KDM5B: variants seen among roughly 807,000 people sequenced by gnomAD.
KDM5B encodes lysine-specific demethylase 5B.
A neutral mutation model predicts 193.4 loss-of-function variants in KDM5B; 144 were observed. The ratio of observed to expected loss-of-function variants is 0.74; its 90% confidence interval spans 0.65 to 0.86. The LOEUF (loss-of-function observed/expected upper bound fraction) is 0.86. KDM5B is among the 40% of genes least tolerant of loss of function. KDM5B has a pLI of 0.00. For synonymous variants in KDM5B, 668 were observed against 682.6 expected (o/e 0.98, Z 0.33); for missense variants, 1,833 against 1,886.9 (o/e 0.97, Z 0.53).
intron 20 of KDM5B, among the ~76,000 whole-genome samples, chr1:202,738,392 C>G (rs1040315589): frequency 6.6e-6 from 1 of 152,222 alleles, no homozygotes. Flanking sequence ...TACCAACTAT[C>G]ATTGACAAGT....
At chr1:202,804,566 CTG>C (rs1377535056) in intron 1 of KDM5B, among the ~76,000 whole-genome samples, 1 of 152,140 alleles carries the variant, frequency 6.6e-6, no homozygotes, top group Non-Finnish European at 1.5e-5. Flanking sequence ...AAAATGGTGA[CTG>C]TATTAAAACA....
intron 1 of KDM5B, 135 bp from the exon 2 acceptor site, chr1:202,777,229 T>G (rs1656993351): frequency 6.2e-6 from 4 of 640,226 alleles, no homozygotes; most frequent in Non-Finnish European, 1.1e-5. Flanking sequence ...GAGTAGTGGT[T>G]TCTCAACCTT....
In KDM5B at chr1:202,750,613, G is replaced by GA. The variant is rs1291216261; in HGVS notation, c.1821+45dup. 5 of 1,595,188 alleles carry GA rather than the reference G, an allele frequency of 3.1e-6. No individual in the cohort carries two copies. The East Asian group carries it at 6.7e-5, about 21-fold the overall frequency. On this transcript the variant is annotated intron_variant, in intron 13 of 26. Transcript: ENST00000367265. ...AAAACATTATATTCCATTTCCTCAG[G>GA]AAAAACAATAAATTTGAAAAGGTTA...
At chr1:202,806,558 C>T (rs1332464669) in intron 1 of KDM5B, 1 of 152,176 alleles carries the variant, frequency 6.6e-6, no homozygotes. Flanking sequence ...ACATTTCCCT[C>T]ATATTCGCTG....
rs774303699 is a variant in KDM5B at position 202,766,913 on chromosome 1, A to G, written c.711+13T>C. 2 of 1,564,790 alleles carry G rather than the reference A, an allele frequency of 1.3e-6. No homozygotes were observed. The highest frequency in any genetic ancestry group is 8.6e-7 in the Non-Finnish European group (1 of 1,164,850). On this transcript the variant is annotated intron_variant, in intron 5 of 26. Coordinates refer to ENST00000367265, the MANE Select transcript of KDM5B (RefSeq NM_006618.5). ...TGAGAATTCCTTTTAAATTAACCTC[A>G]TGAGGCTCTTACCTCTGCTCTCATG...
chr1:202,789,699 G>C (rs1024502706), intron 1 of KDM5B, among the ~76,000 whole-genome samples: 3 of 129,166 alleles, frequency 2.3e-5, no homozygotes, highest in Non-Finnish European at 5.1e-5. Context: ...TTTTTAATTA[G>C]CTAGGCATGG....
At chr1:202,744,158 T>C (rs1457446516) in intron 16 of KDM5B, among the ~76,000 whole-genome samples, 2 of 152,030 alleles carry the variant, frequency 1.3e-5, no homozygotes, top group African/African-American at 4.8e-5. Flanking sequence ...CATTAAAAAG[T>C]AGGCAAAGGA....
At chr1:202,754,875 G>C (rs1655946135) in intron 11 of KDM5B, among the ~76,000 whole-genome samples, 2 of 152,124 alleles carry the variant, frequency 1.3e-5, no homozygotes, top group South Asian at 2.1e-4. Context: ...AGTAAAGACG[G>C]GGTTTCTCCA....
At chr1:202,779,804 A>G (rs866444273) in intron 1 of KDM5B, among the ~76,000 whole-genome samples, 5 of 141,294 alleles carry the variant, frequency 3.5e-5, no homozygotes, top group African/African-American at 1.3e-4. Context: ...CTCCGTCTCA[A>G]AAATAAATAA....
chr1:202,783,570 C>T (rs1657284345), intron 1 of KDM5B, among the ~76,000 whole-genome samples: 2 of 152,056 alleles, frequency 1.3e-5, no homozygotes, highest in South Asian at 4.1e-4. Flanking sequence ...AGATAAAGTA[C>T]AAGAACCTTA....
chr1:202,732,174 G>C, intron 23 of KDM5B: 1 of 459,638 alleles, frequency 2.2e-6, no homozygotes, highest in East Asian at 4.3e-5. Flanking sequence ...ACTGATTTCA[G>C]AGATGTAAAG....
intron 5 of KDM5B, 115 bp downstream of exon 5, chr1:202,766,811 G>T: frequency 8.5e-7 from 1 of 1,175,626 alleles, no homozygotes; most frequent in Non-Finnish European, 1.2e-6. Context: ...CCCTTTGTGA[G>T]ATTAACAAGG....
intron 7 of KDM5B, among the ~76,000 whole-genome samples, chr1:202,761,579 A>AC (rs1381900525): frequency 6.6e-6 from 1 of 152,170 alleles, no homozygotes; most frequent in Non-Finnish European, 1.5e-5. Flanking sequence ...AACCCTCAGT[A>AC]CCTCAGAATG....
chr1:202,801,896 C>T (rs932063403), intron 1 of KDM5B, among the ~76,000 whole-genome samples: 1 of 152,066 alleles, frequency 6.6e-6, no homozygotes, highest in Non-Finnish European at 1.5e-5. Context: ...CTTGTCGGTA[C>T]GCCCTCTGGT....
Position 202,808,265 on chromosome 1 carries a change from G to T in KDM5B, c.41C>A (p.Ala14Glu). The T allele has an allele frequency of 6.2e-7, 1 of 1,609,240 alleles. No individual in the cohort carries two copies. Among genetic ancestry groups the T allele is most frequent in the Non-Finnish European group, 8.5e-7 (1 of 1,178,418 alleles). ...ATTLHPGPRP[A>E]LPLGGPGPLG... is the part of the protein sequence containing the mutation. Reference sequence around the variant, plus strand: ...CGGGCCCGGGCCCCCGAGGGGCAGCGCCGGGCGCGGGCCTGGGTGCAGTGT... The same window carrying T: ...CGGGCCCGGGCCCCCGAGGGGCAGCTCCGGGCGCGGGCCTGGGTGCAGTGT... The change falls in exon 1 of 27, where the codon GCG becomes GAG. Residue 14 changes from alanine to glutamate, a missense_variant. Transcript: ENST00000367265.
rs1658012108 is a variant in KDM5B at position 202,800,073 on chromosome 1, C to T, written c.204+8029G>A. ...TTGTTTTTGTTTTTTGAGACGGAGT[C>T]TTGCTCTGTCACCAGGCTGGAGTGC... On this transcript the variant is annotated intron_variant, in intron 1 of 26. Transcript: ENST00000367265. Among the ~76,000 whole-genome samples the T allele has an allele frequency of 2.0e-5, 3 of 152,296 alleles. No homozygotes were observed. The South Asian group carries it at 6.2e-4, about 32-fold the overall frequency.
intron 1 of KDM5B, among the ~76,000 whole-genome samples, chr1:202,804,814 G>C (rs1048562188): frequency 6.8e-6 from 1 of 146,982 alleles, no homozygotes; most frequent in Admixed American, 7.1e-5. Flanking sequence ...GGCAGAGGTT[G>C]TGATGAGCCA....
rs754449116 is a variant in KDM5B, at chr1:202,773,202, G to C, written c.492C>G (p.Gly164=). ...CTCTGATATGTGAGCCCACTGCTTTGCCAGGAGCAAACCCCATCTTGGTAG... is the reference window on the plus strand; with the variant it reads ...CTCTGATATGTGAGCCCACTGCTTTCCCAGGAGCAAACCCCATCTTGGTAG... ...KIATKMGFAP[G]KAVGSHIRGH... Residue 164 remains glycine (G), a synonymous_variant, in exon 4 of 27, where the codon GGC becomes GGG. Transcript: ENST00000367265. 2 of 1,613,710 alleles carry C rather than the reference G, an allele frequency of 1.2e-6. No homozygotes were observed. The highest frequency in any genetic ancestry group is 3.3e-5 in the Admixed American group (2 of 60,012).
chr1:202,729,302 A>C, intron 26 of KDM5B, 129 bp from the exon 27 acceptor site: 1 of 970,958 alleles, frequency 1.0e-6, no homozygotes, highest in East Asian at 2.6e-5. Flanking sequence ...GACCTCTGGC[A>C]CAACAGCTAA....
Sources: allele counts gnomAD v4.1 joint callset (sites outside exome capture counted in the v4.1 genomes callset), GRCh38; gene constraint gnomAD v4.1.1; transcripts MANE v1.5; gene names NCBI Gene and HGNC (gene_info 2026-07-23, HGNC 2026-07-21).